CCNL1: variants seen among roughly 807,000 people sequenced by gnomAD.
CCNL1 encodes the protein cyclin-L1.
CCNL1 carries 13 observed loss-of-function variants against 60.6 expected under a neutral mutation model. The ratio of observed to expected loss-of-function variants is 0.21; its 90% CI spans 0.14 to 0.34. The LOEUF (loss-of-function observed/expected upper bound fraction) is 0.34. CCNL1 is among the 10% of genes least tolerant of loss of function. CCNL1 has a pLI of 1.00. For synonymous variants in CCNL1, 270 were observed against 244.3 expected (o/e 1.10, Z -0.98); for missense variants, 481 against 664.3 (o/e 0.72, Z 3.03).
In CCNL1 at chr3:157,149,495, G is replaced by C; in HGVS notation, c.1123C>G (p.Pro375Ala). Reference sequence around the variant, plus strand: ...CCCAAGTATACTCACCCATTGTAAGGGCTTTTGGAAGCCTGTTGTCTATCC... The same window carrying C: ...CCCAAGTATACTCACCCATTGTAAGCGCTTTTGGAAGCCTGTTGTCTATCC... ...PEDRQQASKS[P>A]YNGVRKDSKR... Residue 375 changes from proline (P) to alanine (A), a missense_variant, in exon 9 of 11, where the codon CCT (proline) becomes GCT (alanine). By Grantham distance (27) the Pro-to-Ala change is conservative. This residue lies in a region of CCNL1 where 197 missense variants were observed against 233.9 expected (regional missense o/e 0.84). Transcript: ENST00000295926. 3 of 1,613,724 alleles carry C rather than the reference G, an allele frequency of 1.9e-6. No homozygotes were observed. The highest frequency in any genetic ancestry group is 2.5e-6 in the Non-Finnish European group (3 of 1,179,778).
At chr3:157,144,067 C>A (rs938716894), downstream of CCNL1, among the ~76,000 whole-genome samples, 2 of 152,174 alleles carry the variant, frequency 1.3e-5, no homozygotes, top group South Asian at 4.1e-4. Flanking sequence ...TAAAAGCAGG[C>A]AGGGTAGGAA....
In CCNL1 at chr3:157,148,506, C is replaced by T; in HGVS notation, c.1316G>A (p.Arg439Lys). Residue 439 changes from arginine (R) to lysine (K), a missense_variant, in exon 11 of 11, where the codon AGA becomes AAA. Coordinates refer to ENST00000295926, the MANE Select transcript of CCNL1 (RefSeq NM_020307.4). ...GTGAGGAGAACCATGATTATGATGT[C>T]TTCGAGGGCTTTCACTGTGACTGCG... is the stretch of plus-strand genomic sequence containing the variant. ...RSRSHSESPRRHHNHGSPHLK... is the reference protein window; with the variant it reads ...RSRSHSESPRKHHNHGSPHLK... The T allele has an allele frequency of 6.2e-7, 1 of 1,614,164 alleles. No individual in the cohort carries two copies. Among genetic ancestry groups the T allele is most frequent in the Non-Finnish European group, 8.5e-7 (1 of 1,180,026 alleles).
intron 3 of CCNL1, chr3:157,154,460 A>C (rs984982155): frequency 1.3e-5 from 2 of 152,198 alleles, no homozygotes; most frequent in Admixed American, 6.5e-5. Flanking sequence ...GGCAGAATAC[A>C]CGATCTATTT....
downstream of CCNL1, among the ~76,000 whole-genome samples, chr3:157,143,552 C>T (rs1737703550): frequency 6.6e-6 from 1 of 152,204 alleles, no homozygotes; most frequent in Non-Finnish European, 1.5e-5. Flanking sequence ...AATGAATAAA[C>T]TACAGAGCTG....
chr3:157,144,827 C>A (rs181285719), downstream of CCNL1, among the ~76,000 whole-genome samples: 3 of 152,198 alleles, frequency 2.0e-5, no homozygotes, highest in Non-Finnish European at 2.9e-5. Flanking sequence ...TAATCTATTA[C>A]AGTTCATGAT....
At chr3:157,159,343 T>C (rs1196064277) in intron 2 of CCNL1, 62 bp downstream of exon 2, 24 of 1,482,806 alleles carry the variant, frequency 1.6e-5, no homozygotes, top group Non-Finnish European at 2.2e-5. Flanking sequence ...CTGCTGACAC[T>C]ACCCCTACTC....
intron 3 of CCNL1, chr3:157,154,565 C>T (rs1267632314): frequency 1.3e-5 from 2 of 152,016 alleles, no homozygotes; most frequent in African/African-American, 2.4e-5. Context: ...ATACATGCAC[C>T]GAAGGTTAGA....
At chr3:157,144,786 T>G (rs113354928), downstream of CCNL1, among the ~76,000 whole-genome samples, 31 of 152,342 alleles carry the variant, frequency 2.0e-4, no homozygotes, top group African/African-American at 7.2e-4. Context: ...TTTTAAAAAA[T>G]CTGGTATGTA....
chr3:157,143,641 G>C (rs1251302672), downstream of CCNL1, among the ~76,000 whole-genome samples: 8 of 152,172 alleles, frequency 5.3e-5, no homozygotes, highest in Non-Finnish European at 1.2e-4. Context: ...TAAGCATTAT[G>C]AAAAAATTAG....
At position 157,159,584 on chromosome 3, in the gene CCNL1, C is replaced by G; in HGVS notation, c.304-105G>C. The G allele has an allele frequency of 6.0e-6, 7 of 1,159,140 alleles. No individual in the cohort carries two copies. In the South Asian group the frequency reaches 9.3e-5, roughly 15 times the overall value. 71.8% of individuals were successfully genotyped at this position (1,159,140 alleles called of 1,614,324 possible). On this transcript the variant is annotated intron_variant, in intron 1 of 10. Transcript: ENST00000295926. ...TCGCTTCCCTTTCCCCTCCCGCCGC[C>G]GCCGCCGCTGCGAACAGCCCGCTGC... is the stretch of plus-strand genomic sequence containing the variant.
intron 4 of CCNL1, chr3:157,152,607 A>T (rs1234874679): frequency 2.8e-6 from 3 of 1,071,118 alleles, no homozygotes; most frequent in Non-Finnish European, 3.4e-6. Context: ...TTGATAATGA[A>T]AGCTAAGAGA....
In CCNL1 at chr3:157,147,700, G is replaced by A. The variant is rs915416995; in HGVS notation, c.*541C>T. 7 of 984,986 alleles carry A rather than the reference G, an allele frequency of 7.1e-6. No individual in the cohort carries two copies. In the African/African-American group the frequency reaches 1.2e-4, roughly 17 times the overall value. The allele number at this position is 984,986 out of a possible 1,614,324, so 61.0% of individuals were successfully genotyped here. On this transcript the variant is annotated 3_prime_UTR_variant, in exon 11 of 11. Transcript: ENST00000295926. ...TAATAATCTCAAACTACCATCTAAT[G>A]GAGGAAAGAATAAGTTTGTCAGAAA...
In CCNL1 at chr3:157,149,320, C is replaced by T. The variant is rs749964157; in HGVS notation, c.1199G>A (p.Arg400Gln). The change falls in exon 10 of 11, where the codon CGA (arginine) becomes CAA (glutamine). Residue 400 changes from arginine (R) to glutamine (Q), a missense_variant. Around this residue, in one of 5 missense-constraint regions of CCNL1, gnomAD observed 197 missense variants for 233.9 expected, o/e 0.84. Transcript: ENST00000295926. ...TGGAGTATGTGATCTAGAACGTGAT[C>T]GTGTTCTTGACCTCGATCGACTTGC... ...RSASRSRSRT[R>Q]SRSRSHTPRR... 1.9e-6 allele frequency: 3 copies of T among 1,613,896 alleles called. No homozygotes were observed. Among genetic ancestry groups the T allele is most frequent in the Non-Finnish European group, 8.5e-7 (1 of 1,179,788 alleles).
chr3:157,157,615 T>G (rs935404777), intron 3 of CCNL1, among the ~76,000 whole-genome samples: 24 of 152,208 alleles, frequency 1.6e-4, no homozygotes, highest in African/African-American at 5.3e-4. Context: ...ATTTGAAATC[T>G]TCCCAATTCC....
At chr3:157,146,344 G>C (rs932028786), downstream of CCNL1, among the ~76,000 whole-genome samples, 1 of 152,012 alleles carries the variant, frequency 6.6e-6, no homozygotes, top group Non-Finnish European at 1.5e-5. Flanking sequence ...TCAAGACCCT[G>C]AAAAAGATCT....
In CCNL1 at chr3:157,160,066, G is replaced by A; in HGVS notation, c.29C>T (p.Thr10Ile). 1 of 1,557,250 alleles carries A rather than the reference G, an allele frequency of 6.4e-7. No homozygotes were observed. ...GGCCGATGAGGCGGCTGCGGCAGCA[G>A]TAGCTGTCGAATGAGGCCCGGACGC... is the stretch of plus-strand genomic sequence containing the variant. MASGPHSTATAAAAASSAAP... is the reference protein window; with the variant it reads MASGPHSTAIAAAAASSAAP... Residue 10 changes from threonine to isoleucine, a missense_variant, in exon 1 of 11, where the codon ACT becomes ATT. Thr to Ile is a moderately conservative substitution (Grantham distance 89). Around this residue, in one of 5 missense-constraint regions of CCNL1, gnomAD observed 65 missense variants for 57.5 expected, o/e 1.13. Coordinates refer to ENST00000295926, the MANE Select transcript of CCNL1 (RefSeq NM_020307.4).
At position 157,148,022 on chromosome 3, in the gene CCNL1, G is replaced by A. The variant is rs1737865474; in HGVS notation, c.*219C>T. 1 of 1,321,240 alleles carries A rather than the reference G, an allele frequency of 7.6e-7. No individual in the cohort carries two copies. The highest frequency in any genetic ancestry group is 9.6e-7 in the Non-Finnish European group (1 of 1,039,304). The allele number at this position is 1,321,240 out of a possible 1,614,324, so 81.8% of individuals were successfully genotyped here. On this transcript the variant is annotated 3_prime_UTR_variant, in exon 11 of 11. Transcript: ENST00000295926. ...ACTATAATAAAGTACAATTGAACCTGACCATGGTTTTTAATTAGATACTGC... is the reference window on the plus strand; with the variant it reads ...ACTATAATAAAGTACAATTGAACCTAACCATGGTTTTTAATTAGATACTGC...
chr3:157,153,297 A>G, intron 3 of CCNL1, 141 bp from the exon 4 acceptor site: 1 of 717,644 alleles, frequency 1.4e-6, no homozygotes, highest in Non-Finnish European at 2.2e-6. Context: ...TAAAGCATTA[A>G]TCTTGTGCTG....
At chr3:157,158,704 T>A in intron 3 of CCNL1, 162 bp downstream of exon 3, 1 of 524,702 alleles carries the variant, frequency 1.9e-6, no homozygotes, top group Non-Finnish European at 3.4e-6. Flanking sequence ...TTTTTTCAAA[T>A]TATTTTAAGT....
Sources: gnomAD v4.1 joint callset for allele counts (sites outside exome capture counted in the v4.1 genomes callset) on GRCh38, gnomAD v4.1.1 for gene constraint, gnomAD v4.1.1 regional missense constraint, MANE v1.5 for transcripts, NCBI Gene and HGNC (gene_info 2026-07-23, HGNC 2026-07-21) for gene names.